The following TNXB variants were observed in gnomAD, a reference collection of about 807,000 sequenced individuals.
TNXB encodes tenascin XB.
In TNXB, 183 loss-of-function variants were observed where a neutral mutation model predicts 340.5. That is an observed-to-expected ratio of 0.54 (90% CI 0.48 to 0.61). TNXB has a LOEUF of 0.61. Among genes scored for constraint, TNXB ranks in the 20% least tolerant of loss-of-function variants. The pLI, the probability that TNXB is intolerant of heterozygous loss-of-function variation, is 0.00. For synonymous variants in TNXB, 2,121 were observed against 2,314.5 expected (o/e 0.92, Z 2.40); for missense variants, 4,613 against 5,446.4 (o/e 0.85, Z 4.82).
At position 32,043,824 on chromosome 6, in the gene TNXB, C is replaced by G; in HGVS notation, c.11455G>C (p.Ala3819Pro). The G allele has an allele frequency of 6.2e-7, 1 of 1,613,632 alleles. No homozygotes were observed. The highest frequency in any genetic ancestry group is 8.5e-7 in the Non-Finnish European group (1 of 1,179,996). Residue 3819 changes from alanine to proline, a missense_variant, in exon 35 of 44, where the codon GCT (alanine) becomes CCT (proline). Ala to Pro is a conservative substitution (Grantham distance 27, BLOSUM62 -1). Around this residue, in one of 7 missense-constraint regions of TNXB, gnomAD observed 114 missense variants for 104.5 expected, o/e 1.09. Transcript: ENST00000644971. The part of the protein sequence containing the change: ...TQKLQGLIPG[A>P]RYEVTVVSVR... ...GAGACCACGGTCACCTCATAGCGAG[C>G]GCCTGGGATCAGCCCCTGGAGTTTC... is the stretch of plus-strand genomic sequence containing the variant.
chr6:32,100,736 A>G (rs1780675356), intron 1 of TNXB, among the ~76,000 whole-genome samples: 1 of 152,046 alleles, frequency 6.6e-6, no homozygotes, highest in Admixed American at 6.6e-5. Context: ...CAAAAAAAAG[A>G]AAAAGAAAAA....
At position 32,056,121 on chromosome 6, in the gene TNXB, G is replaced by C; in HGVS notation, c.8197C>G (p.Pro2733Ala). The C allele has an allele frequency of 1.2e-6, 2 of 1,612,654 alleles. No homozygotes were observed. Among genetic ancestry groups the C allele is most frequent in the Non-Finnish European group, 1.7e-6 (2 of 1,179,806 alleles). ...PTELSTEAPEPPEEPLLGELT... is the reference protein window; with the variant it reads ...PTELSTEAPEAPEEPLLGELT... ...TCCCCCAGGAGCGGCTCCTCAGGGG[G>C]CTCCGGGGCCTCAGTGCTGAGTTCC... The change falls in exon 24 of 44, where the codon CCC (proline) becomes GCC (alanine). Residue 2733 changes from proline (P) to alanine (A), a missense_variant. By Grantham distance (27) the Pro-to-Ala change is conservative (BLOSUM62 -1). Around this residue, in one of 7 missense-constraint regions of TNXB, gnomAD observed 4,327 missense variants for 4,859.4 expected, o/e 0.89. Transcript: ENST00000644971.
chr6:32,078,732 T>G, intron 11 of TNXB: 1 of 398,532 alleles, frequency 2.5e-6, no homozygotes, highest in Non-Finnish European at 4.5e-6. Flanking sequence ...TGGCAGCATA[T>G]TTACTTTTGC....
rs760374196 is a variant in TNXB at position 32,096,648 on chromosome 6, C to T, written c.1205G>A (p.Arg402His). 129 of 1,544,840 alleles carry T rather than the reference C, an allele frequency of 8.4e-5. No individual in the cohort carries two copies. Among genetic ancestry groups the T allele is most frequent in the Non-Finnish European group, 1.0e-4 (119 of 1,149,240 alleles). ...TGYSGDDCGV[R>H]SCPGDCNQRG... The stretch of plus-strand genomic sequence containing the variant: ...TTGGTTGCAGTCGCCAGGGCAGCTG[C>T]GCACGCCGCAGTCGTCCCCGCTGTA... The change falls in exon 3 of 44, where the codon CGC becomes CAC. Residue 402 changes from arginine to histidine, a missense_variant. This residue lies in a region of TNXB where 4,327 missense variants were observed against 4,859.4 expected (regional missense o/e 0.89). Coordinates refer to ENST00000644971, the MANE Select transcript of TNXB (RefSeq NM_001365276.2).
chr6:32,078,340 T>G (rs543750348), intron 11 of TNXB, among the ~76,000 whole-genome samples: 1 of 143,174 alleles, frequency 7.0e-6, no homozygotes, highest in South Asian at 2.3e-4. Context: ...CCCAGCTATT[T>G]GGGAGGCTGA....
At position 32,047,980 on chromosome 6, in the gene TNXB, C is replaced by A. The variant is rs1777005566; in HGVS notation, c.10078G>T (p.Glu3360Ter). ...GGGGTCGCATCTGTCACAGTCAGCT[C>A]CCCCAGGCGGGGAGACGGTTTGGTG... Reference protein sequence around the residue: ...PDTKPSPRLGELTVTDATPDS... With the variant: ...PDTKPSPRLG The change falls in exon 30 of 44, where the codon GAG becomes TAG. Residue 3360 changes from glutamate (E) to a stop codon, truncating the protein, a stop_gained. Coordinates refer to ENST00000644971, the MANE Select transcript of TNXB (RefSeq NM_001365276.2). LOFTEE classifies it high-confidence loss of function. The surrounding 1 kb of genome is among the most constrained non-coding windows in gnomAD (Gnocchi z 6.2). 6.2e-7 allele frequency: 1 copy of A among 1,609,718 alleles called. No individual in the cohort carries two copies. The highest frequency in any genetic ancestry group is 2.2e-5 in the East Asian group (1 of 44,862).
intron 1 of TNXB, among the ~76,000 whole-genome samples, chr6:32,107,080 G>A (rs930060041): frequency 4.6e-5 from 7 of 152,190 alleles, no homozygotes; most frequent in East Asian, 1.9e-4. Context: ...TGTTGGCTCC[G>A]AGGGCAGCTC....
At position 32,072,856 on chromosome 6, in the gene TNXB, C is replaced by T. The variant is rs555387582; in HGVS notation, c.4682-558G>A. ...ATCCCAGTTACTCGGGAGGCTGAGG[C>T]AGGAGAATTGCTTGAACTTGGGAAG... On this transcript the variant is annotated intron_variant, in intron 12 of 43. Coordinates refer to ENST00000644971, the MANE Select transcript of TNXB (RefSeq NM_001365276.2). The surrounding 1 kb of genome is among the most constrained non-coding windows in gnomAD (Gnocchi z 4.4). 9.1e-4 allele frequency among the ~76,000 whole-genome samples: 139 copies of T among 152,332 alleles called. No individual in the cohort carries two copies. The highest frequency in any genetic ancestry group is 6.8e-3 in the Middle Eastern group (2 of 292).
rs1394294694 is a variant in TNXB at position 32,083,849 on chromosome 6, T to TG, written c.3445+563dup. 2.6e-5 allele frequency among the ~76,000 whole-genome samples: 4 copies of TG among 152,106 alleles called. No individual in the cohort carries two copies. The South Asian group carries it at 8.3e-4, about 32-fold the overall frequency. On this transcript the variant is annotated intron_variant, in intron 8 of 43. Coordinates refer to ENST00000644971, the MANE Select transcript of TNXB (RefSeq NM_001365276.2). This position sits in a 1 kb window ranked among gnomAD's most constrained non-coding sequence, Gnocchi z 4.6. Reference sequence around the variant, plus strand: ...CTAATATCTTTTGTTATAGTAGAGATGGGGGGTCTCACTATGTTGCCAGGT... The same window carrying TG: ...CTAATATCTTTTGTTATAGTAGAGATGGGGGGGTCTCACTATGTTGCCAGGT...
chr6:32,047,724 T>G lies in TNXB; in HGVS notation c.10324+10A>C. ...GCTCTGGAAAAGGTGGAGGCTGGAC[T>G]GGGACTCACCTGTGGTGCTGTCAGC... is the stretch of plus-strand genomic sequence containing the variant. On this transcript the variant is annotated intron_variant, in intron 30 of 43. Transcript: ENST00000644971. The surrounding 1 kb of genome is among the most constrained non-coding windows in gnomAD (Gnocchi z 6.2). 6.3e-7 allele frequency: 1 copy of G among 1,582,976 alleles called. No individual in the cohort carries two copies. The highest frequency in any genetic ancestry group is 8.6e-7 in the Non-Finnish European group (1 of 1,161,850).
In TNXB at chr6:32,082,325, C is replaced by A; in HGVS notation, c.3447G>T (p.Leu1149Phe). 6.3e-7 allele frequency: 1 copy of A among 1,588,984 alleles called. No individual in the cohort carries two copies. Among genetic ancestry groups the A allele is most frequent in the Non-Finnish European group, 8.6e-7 (1 of 1,164,956 alleles). Residue 1149 changes from leucine to phenylalanine, a missense_variant and splice_region_variant, in exon 9 of 44, where the codon TTG becomes TTT. By Grantham distance (22) the Leu-to-Phe change is conservative. Around this residue, in one of 7 missense-constraint regions of TNXB, gnomAD observed 4,327 missense variants for 4,859.4 expected, o/e 0.89. Coordinates refer to ENST00000644971, the MANE Select transcript of TNXB (RefSeq NM_001365276.2). This position sits in a 1 kb window ranked among gnomAD's most constrained non-coding sequence, Gnocchi z 5.0. The part of the protein sequence containing the change: ...HGPLVAEAKI[L>F]PQSDPSPGTP... The stretch of plus-strand genomic sequence containing the variant: ...TCCCTGGACTTGGGTCACTCTGAGG[C>A]ACTAGGAAGAGTGGGTAGAGAGAAG...
chr6:32,046,177 G>A lies in TNXB; in HGVS notation c.10604C>T (p.Thr3535Ile). The A allele has an allele frequency of 6.3e-7, 1 of 1,581,064 alleles. No individual in the cohort carries two copies. The highest frequency in any genetic ancestry group is 1.1e-5 in the South Asian group (1 of 88,724). ...ATAGCCAGGCACAGCAGCCTCACCT[G>A]TCATTCCCAGGGCAGAGACCGGGCC... ...RLGPVSALGM[T>I]APEEDTPAPE... The change falls in exon 31 of 44, where the codon ACA becomes ATA. Residue 3535 changes from threonine (T) to isoleucine (I), a missense_variant and splice_region_variant. Thr to Ile is a moderately conservative substitution (Grantham distance 89). Coordinates refer to ENST00000644971, the MANE Select transcript of TNXB (RefSeq NM_001365276.2). The surrounding 1 kb of genome is among the most constrained non-coding windows in gnomAD (Gnocchi z 6.9).
At position 32,051,273 on chromosome 6, in the gene TNXB, C is replaced by T. The variant is rs1777269404; in HGVS notation, c.9116-952G>A. Among the ~76,000 whole-genome samples the T allele has an allele frequency of 6.6e-6, 1 of 152,196 alleles. No homozygotes were observed. On this transcript the variant is annotated intron_variant, in intron 26 of 43. Transcript: ENST00000644971. The surrounding 1 kb of genome is among the most constrained non-coding windows in gnomAD (Gnocchi z 4.7). ...CTTGTCACATGCTCACCCGCCTTTG[C>T]TTTCTTACTGGTCCACAGCCTGTCC...
intron 21 of TNXB, among the ~76,000 whole-genome samples, chr6:32,060,794 A>C (rs958595395): frequency 2.0e-4 from 30 of 151,822 alleles, no homozygotes; most frequent in Non-Finnish European, 2.9e-5. Flanking sequence ...ATGTGCCACC[A>C]TGCTTGGCTA....
In TNXB at chr6:32,044,083, G is replaced by C. The variant is rs1310748958; in HGVS notation, c.11310C>G (p.Thr3770=). 1 of 1,489,586 alleles carries C rather than the reference G, an allele frequency of 6.7e-7. No homozygotes were observed. Among genetic ancestry groups the C allele is most frequent in the Non-Finnish European group, 9.1e-7 (1 of 1,094,186 alleles). 92.3% of individuals were successfully genotyped at this position (1,489,586 alleles called of 1,614,324 possible). The change falls in exon 34 of 44, where the codon ACC becomes ACG. Residue 3770 remains threonine, a synonymous_variant. Transcript: ENST00000644971. ...RDLQFSEIRE[T]SAKVNWMPPP... ...GGGGCATCCAGTTGACCTTGGCTGA[G>C]GTCTCCCTGATTTCACTGAATTGGA...
rs774506488 is a variant in TNXB, at chr6:32,073,819, G to T, written c.4509C>A (p.Ser1503=). Residue 1503 remains serine, a synonymous_variant, in exon 12 of 44, where the codon TCC becomes TCA. Transcript: ENST00000644971. The surrounding 1 kb of genome is among the most constrained non-coding windows in gnomAD (Gnocchi z 4.6). ...CCTTGTCCTTGTACTGGACTATGAAGGAGTCAAACTGGCCCTCGGGGACTG... is the reference window on the plus strand; with the variant it reads ...CCTTGTCCTTGTACTGGACTATGAATGAGTCAAACTGGCCCTCGGGGACTG... ...SWTVPEGQFD[S]FIVQYKDKDG... is the part of the protein sequence containing the mutation. 6.2e-7 allele frequency: 1 copy of T among 1,612,862 alleles called. No homozygotes were observed. The highest frequency in any genetic ancestry group is 2.2e-5 in the East Asian group (1 of 44,870).
chr6:32,042,678 C>T lies in TNXB; in HGVS notation c.12058+21G>A, dbSNP rs1225940829. The T allele has an allele frequency of 4.0e-5, 51 of 1,260,742 alleles. 1 individual carries two copies. Among genetic ancestry groups the T allele is most frequent in the South Asian group, 7.6e-5 (6 of 78,870 alleles). 78.1% of individuals were successfully genotyped at this position (1,260,742 alleles called of 1,614,324 possible). A position where few individuals can be genotyped will look rare whatever the true frequency, so the allele number is the denominator to read the frequency against. ...TGGCTGCCCACCCAGCCCCCGGCCC[C>T]GGGCCCGTGCGTCCAGGTACCCGTG... On this transcript the variant is annotated intron_variant, in intron 39 of 43. Coordinates refer to ENST00000644971, the MANE Select transcript of TNXB (RefSeq NM_001365276.2).
intron 1 of TNXB, among the ~76,000 whole-genome samples, chr6:32,102,570 AAAAAAAG>A (rs56859242): frequency 0.36 from 55,122 of 151,416 alleles, 11,012 homozygotes; most frequent in Admixed American, 0.45. Flanking sequence ...CTGAGCTACC[AAAAAAAG>A]AAAAAAGAAA....
Position 32,047,778 on chromosome 6 carries a change from G to C in TNXB, c.10280C>G (p.Ser3427Ter). The C allele has an allele frequency of 1.2e-6, 2 of 1,607,294 alleles. No homozygotes were observed. Among genetic ancestry groups the C allele is most frequent in the East Asian group, 4.5e-5 (2 of 44,840 alleles). ...RKYRFLLYGL[S>*]GRKRLGPISA... Reference sequence around the variant, plus strand: ...GATGGGGCCCAGTCGTTTCCTGCCTGACAGACCATAGAGCAGGAACCTGTA... The same window carrying C: ...GATGGGGCCCAGTCGTTTCCTGCCTCACAGACCATAGAGCAGGAACCTGTA... Residue 3427 changes from serine to a stop codon, truncating the protein, a stop_gained, in exon 30 of 44, where the codon TCA becomes TGA. Transcript: ENST00000644971. LOFTEE classifies it high-confidence loss of function. The surrounding 1 kb of genome is among the most constrained non-coding windows in gnomAD (Gnocchi z 6.2).
Sources: gnomAD v4.1 joint callset for allele counts (sites outside exome capture counted in the v4.1 genomes callset) on GRCh38, gnomAD v4.1.1 for gene constraint, gnomAD v4.1.1 regional missense constraint, Gnocchi (gnomAD v3.1) non-coding constraint, MANE v1.5 for transcripts, NCBI Gene and HGNC (gene_info 2026-07-23, HGNC 2026-07-21) for gene names.